Variants in GARIN1A observed in about 807,000 individuals in gnomAD.
The protein encoded by GARIN1A is golgi associated RAB2 interactor 1A.
the GARIN1A span, chr7:128,683,790 GA>G: frequency 6.6e-6 from 1 of 152,618 alleles, no homozygotes; most frequent in African/African-American, 2.4e-5. Context: ...AATTTATAAA[GA>G]AAAGAGGTTT....
the GARIN1A span, among the ~76,000 whole-genome samples, chr7:128,701,341 AGGGGGAGGGGAG>A: frequency 2.1e-5 from 1 of 46,672 alleles, no homozygotes; most frequent in African/African-American, 9.0e-5. Flanking sequence ...AGGGGAGGGG[AGGGGGAGGGGAG>A]GGGAAGGGGA....
the GARIN1A span, among the ~76,000 whole-genome samples, chr7:128,692,235 A>G: frequency 1.3e-5 from 2 of 152,172 alleles, no homozygotes; most frequent in African/African-American, 4.8e-5. Context: ...TGCCAGCCAT[A>G]TGTGTGTACC....
chr7:128,675,631 T>A, the GARIN1A span: 1 of 1,606,760 alleles, frequency 6.2e-7, no homozygotes, highest in Non-Finnish European at 8.5e-7. Flanking sequence ...CCACCCCTTG[T>A]TTTCTGCTCC....
the GARIN1A span, among the ~76,000 whole-genome samples, chr7:128,703,560 G>A: frequency 6.6e-6 from 1 of 152,166 alleles, no homozygotes; most frequent in Non-Finnish European, 1.5e-5. Context: ...GGAGGCCAAG[G>A]CAGAAGGATC....
chr7:128,688,946 G>A, the GARIN1A span, among the ~76,000 whole-genome samples: 11 of 150,312 alleles, frequency 7.3e-5, no homozygotes, highest in East Asian at 5.9e-4. Flanking sequence ...GATTGCAGGC[G>A]CGCGCCACCA....
the GARIN1A span, among the ~76,000 whole-genome samples, chr7:128,680,869 C>T: frequency 0.02 from 3,014 of 152,286 alleles, 46 homozygotes; most frequent in South Asian, 0.052. Flanking sequence ...GCCTGGTCCT[C>T]ACCAGCCTCT....
the GARIN1A span, among the ~76,000 whole-genome samples, chr7:128,696,471 TCAA>T: frequency 1.3e-3 from 204 of 152,352 alleles, no homozygotes; most frequent in Non-Finnish European, 2.0e-3. Flanking sequence ...AGTCTTTCTG[TCAA>T]CACAGTTTTT....
At chr7:128,672,956 CA>C in the GARIN1A span, among the ~76,000 whole-genome samples, 6 of 152,148 alleles carry the variant, frequency 3.9e-5, no homozygotes, top group African/African-American at 1.4e-4. Context: ...TGTTTGAAAG[CA>C]AAGACACTGG....
the GARIN1A span, among the ~76,000 whole-genome samples, chr7:128,697,971 C>T: frequency 8.5e-5 from 13 of 152,200 alleles, no homozygotes; most frequent in Non-Finnish European, 4.4e-5. Context: ...TGGGTACAAG[C>T]TTCTGATTCT....
the GARIN1A span, among the ~76,000 whole-genome samples, chr7:128,692,891 G>A: frequency 6.6e-6 from 1 of 152,160 alleles, no homozygotes; most frequent in African/African-American, 2.4e-5. Flanking sequence ...GGCTCATCTC[G>A]AGAAATCCAA....
chr7:128,701,507 T>C, the GARIN1A span, among the ~76,000 whole-genome samples: 1 of 151,584 alleles, frequency 6.6e-6, no homozygotes, highest in Non-Finnish European at 1.5e-5. Flanking sequence ...TTGTCCCTAC[T>C]GCTGTGTCTT....
At chr7:128,708,853 G>A in the GARIN1A span, among the ~76,000 whole-genome samples, 9 of 152,314 alleles carry the variant, frequency 5.9e-5, no homozygotes, top group African/African-American at 2.2e-4. Context: ...GTTGCTAATT[G>A]TCCATCAATA....
chr7:128,672,149 A>G, the GARIN1A span: 1 of 426,638 alleles, frequency 2.3e-6, no homozygotes, highest in Non-Finnish European at 4.1e-6. Flanking sequence ...AGAGGGAGAA[A>G]AGAGCCTGGC....
chr7:128,672,176 CTCT>C, the GARIN1A span: 2 of 493,080 alleles, frequency 4.1e-6, no homozygotes, highest in Non-Finnish European at 3.6e-6. Flanking sequence ...TCTGTCCTTC[CTCT>C]TCTTTTTTTT....
chr7:128,688,792 C>T, the GARIN1A span, among the ~76,000 whole-genome samples: 157 of 68,302 alleles, frequency 2.3e-3, 5 homozygotes, highest in African/African-American at 6.2e-3. Flanking sequence ...CCCCCTCCCC[C>T]CTCCCTCTCC....
the GARIN1A span, among the ~76,000 whole-genome samples, chr7:128,690,118 T>C: frequency 7.9e-5 from 12 of 152,342 alleles, no homozygotes; most frequent in Admixed American, 5.9e-4. Context: ...CCCAACCCCA[T>C]GCTCTCTGAA....
the GARIN1A span, among the ~76,000 whole-genome samples, chr7:128,708,770 GT>G: frequency 2.0e-5 from 3 of 152,144 alleles, no homozygotes; most frequent in African/African-American, 7.2e-5. Context: ...TTAATCTTTT[GT>G]TTTTTAAATA....
At chr7:128,698,351 CCTT>C in the GARIN1A span, among the ~76,000 whole-genome samples, 1 of 152,156 alleles carries the variant, frequency 6.6e-6, no homozygotes, top group Non-Finnish European at 1.5e-5. Context: ...TCTTCCCACA[CCTT>C]CTCCTCAGCC....
At chr7:128,676,989 A>G in the GARIN1A span, among the ~76,000 whole-genome samples, 7 of 151,804 alleles carry the variant, frequency 4.6e-5, no homozygotes, top group African/African-American at 1.7e-4. Flanking sequence ...CCTGGGCAAC[A>G]TAGGGAGATC....
Sources: gnomAD v4.1 joint callset for allele counts (sites outside exome capture counted in the v4.1 genomes callset) on GRCh38, gnomAD v4.1.1 for gene constraint, MANE v1.5 for transcripts, NCBI Gene and HGNC (gene_info 2026-07-23, HGNC 2026-07-21) for gene names.